HCN1: variants seen among roughly 807,000 people sequenced by gnomAD.
HCN1 encodes the protein potassium/sodium hyperpolarization-activated cyclic nucleotide-gated channel 1.
HCN1 carries 13 observed loss-of-function variants against 78.9 expected under a neutral mutation model. The observed-to-expected ratio is 0.16, with a 90% confidence interval of 0.11 to 0.26. The LOEUF is 0.26. HCN1 is among the 10% of genes least tolerant of loss of function. The pLI, the probability that HCN1 is intolerant of heterozygous loss-of-function variation, is 1.00. For missense variants in HCN1, 810 were observed against 1,154.3 expected (o/e 0.70, Z 4.32); for synonymous variants, 552 against 455.5 (o/e 1.21, Z -2.70).
At chr5:45,395,418 G>T (rs1579866284) in intron 4 of HCN1, among the ~76,000 whole-genome samples, 1 of 152,126 alleles carries the variant, frequency 6.6e-6, no homozygotes, top group East Asian at 1.9e-4. Flanking sequence ...AATTTTTGTG[G>T]TTTATCTTTT....
At chr5:45,503,777 T>G in intron 2 of HCN1, among the ~76,000 whole-genome samples, 1 of 86,406 alleles carries the variant, frequency 1.2e-5, no homozygotes, top group South Asian at 3.8e-4. Context: ...CCAACACAAA[T>G]TCCCTCCACC....
At chr5:45,598,095 C>A (rs1361110631) in intron 2 of HCN1, among the ~76,000 whole-genome samples, 1 of 152,122 alleles carries the variant, frequency 6.6e-6, no homozygotes, top group East Asian at 1.9e-4. Flanking sequence ...CAAAAAAGAG[C>A]CTGCATTGCC....
At chr5:45,508,585 T>C (rs1433706259) in intron 2 of HCN1, among the ~76,000 whole-genome samples, 1 of 152,104 alleles carries the variant, frequency 6.6e-6, no homozygotes, top group African/African-American at 2.4e-5. Context: ...ATGTCCTACT[T>C]ATAATCATGC....
chr5:45,370,853 G>A (rs188764963), intron 4 of HCN1, among the ~76,000 whole-genome samples: 653 of 152,114 alleles, frequency 4.3e-3, no homozygotes, highest in Non-Finnish European at 7.2e-3. Flanking sequence ...AAGAAGTAAT[G>A]GCAGTATAGT....
intron 2 of HCN1, among the ~76,000 whole-genome samples, chr5:45,532,954 T>C (rs1742889883): frequency 6.6e-6 from 1 of 152,194 alleles, no homozygotes; most frequent in Non-Finnish European, 1.5e-5. Context: ...ACTGCCCTTA[T>C]TCAAAGTGGC....
intron 5 of HCN1, among the ~76,000 whole-genome samples, chr5:45,334,831 G>A (rs1378855212): frequency 2.0e-5 from 3 of 151,920 alleles, no homozygotes; most frequent in Non-Finnish European, 4.4e-5. Flanking sequence ...TTTATAAGAT[G>A]CTGGTATAGC....
intron 2 of HCN1, among the ~76,000 whole-genome samples, chr5:45,541,991 G>A (rs1207435514): frequency 1.3e-5 from 2 of 151,910 alleles, no homozygotes; most frequent in African/African-American, 4.8e-5. Flanking sequence ...AAAACACTGA[G>A]CAATATATGT....
In HCN1 at chr5:45,256,184, A is replaced by G. The variant is rs1206619526; in HGVS notation, c.*5737T>C. 1 of 152,060 alleles carries G rather than the reference A, an allele frequency of 6.6e-6. No individual in the cohort carries two copies. The highest frequency in any genetic ancestry group is 1.5e-5 in the Non-Finnish European group (1 of 68,030). 9.4% of individuals were successfully genotyped at this position (152,060 alleles called of 1,614,324 possible). On this transcript the variant is annotated 3_prime_UTR_variant, in exon 8 of 8. Coordinates refer to ENST00000303230, the MANE Select transcript of HCN1 (RefSeq NM_021072.4). ...TTAGGGGTTCGAGACCGGCCTGGCC[A>G]ACATGGTAAAACCCTGTCTCTACTA... is the stretch of plus-strand genomic sequence containing the variant.
At chr5:45,565,844 T>C (rs1743697474) in intron 2 of HCN1, among the ~76,000 whole-genome samples, 1 of 152,274 alleles carries the variant, frequency 6.6e-6, no homozygotes, top group African/African-American at 2.4e-5. Flanking sequence ...TTAAGTATTC[T>C]ATTTGTTAAT....
In HCN1 at chr5:45,414,867, C is replaced by T. The variant is rs111315579; in HGVS notation, c.1012-18157G>A. The stretch of plus-strand genomic sequence containing the variant: ...GGTTACTTCTATTATTATATATTTG[C>T]CATATGTAAAATGACTTGGCATCCT... On this transcript the variant is annotated intron_variant, in intron 3 of 7. Coordinates refer to ENST00000303230, the MANE Select transcript of HCN1 (RefSeq NM_021072.4). Among the ~76,000 whole-genome samples the T allele has an allele frequency of 3.2e-3, 489 of 152,060 alleles. 1 individual carries two copies. The highest frequency in any genetic ancestry group is 0.011 in the African/African-American group (465 of 41,512).
chr5:45,493,070 A>G (rs1741924934), intron 2 of HCN1, among the ~76,000 whole-genome samples: 1 of 152,140 alleles, frequency 6.6e-6, no homozygotes, highest in Non-Finnish European at 1.5e-5. Flanking sequence ...ACTATTTCTC[A>G]TACAAATTCT....
At chr5:45,680,158 CAACTAA>C (rs1739677243) in intron 1 of HCN1, among the ~76,000 whole-genome samples, 1 of 152,054 alleles carries the variant, frequency 6.6e-6, no homozygotes, top group Admixed American at 6.6e-5. Flanking sequence ...ACATTGCAGT[CAACTAA>C]ATTATTTTGC....
intron 2 of HCN1, among the ~76,000 whole-genome samples, chr5:45,631,451 A>C (rs1745268029): frequency 6.6e-6 from 1 of 152,162 alleles, no homozygotes; most frequent in East Asian, 1.9e-4. Context: ...ATGAGATGAC[A>C]AGAAGCAGGA....
chr5:45,548,885 T>G (rs1324144378), intron 2 of HCN1, among the ~76,000 whole-genome samples: 5 of 151,434 alleles, frequency 3.3e-5, no homozygotes, highest in East Asian at 3.9e-4. Flanking sequence ...ATGAGTGAAC[T>G]CCCATTCACA....
At chr5:45,563,171 C>G (rs542469100) in intron 2 of HCN1, among the ~76,000 whole-genome samples, 1 of 151,944 alleles carries the variant, frequency 6.6e-6, no homozygotes, top group Non-Finnish European at 1.5e-5. Context: ...TAGTGAAGGC[C>G]GGGTGCGGTG....
At chr5:45,285,317 C>A (rs1411458329) in intron 6 of HCN1, among the ~76,000 whole-genome samples, 1 of 151,902 alleles carries the variant, frequency 6.6e-6, no homozygotes, top group East Asian at 1.9e-4. Context: ...AACAATAAAT[C>A]CAAAATATCT....
intron 2 of HCN1, among the ~76,000 whole-genome samples, chr5:45,481,818 C>T (rs562079745): frequency 2.0e-5 from 3 of 152,172 alleles, no homozygotes; most frequent in African/African-American, 7.2e-5. Context: ...GAAGTCAGAT[C>T]CAGGTATGAA....
chr5:45,260,925 T>G lies in HCN1; in HGVS notation c.*996A>C, dbSNP rs1324449069. 1 of 152,594 alleles carries G rather than the reference T, an allele frequency of 6.6e-6. No individual in the cohort carries two copies. Among genetic ancestry groups the G allele is most frequent in the Non-Finnish European group, 1.5e-5 (1 of 68,030 alleles). 9.5% of individuals were successfully genotyped at this position (152,594 alleles called of 1,614,324 possible). A position where few individuals can be genotyped will look rare whatever the true frequency, so the allele number is the denominator to read the frequency against. ...CCCCAGAAGCATGCAGGGACTATTT[T>G]CAGATGCTTGATTATGGCAAGAAGA... On this transcript the variant is annotated 3_prime_UTR_variant, in exon 8 of 8. Coordinates refer to ENST00000303230, the MANE Select transcript of HCN1 (RefSeq NM_021072.4).
chr5:45,374,011 A>AATATATATTATATATATT (rs1319498752), intron 4 of HCN1, among the ~76,000 whole-genome samples: 4 of 98,672 alleles, frequency 4.1e-5, no homozygotes, highest in African/African-American at 1.7e-4. Flanking sequence ...TTATATACAT[A>AATATATATTATATATATT]ATATATATTA....
Sources: gnomAD v4.1 joint callset for allele counts (sites outside exome capture counted in the v4.1 genomes callset) on GRCh38, gnomAD v4.1.1 for gene constraint, MANE v1.5 for transcripts, NCBI Gene and HGNC (gene_info 2026-07-23, HGNC 2026-07-21) for gene names.